The following ROBO1 variants were observed in gnomAD, a reference collection of about 807,000 sequenced individuals.
The protein encoded by ROBO1 is roundabout guidance receptor 1.
A neutral mutation model predicts 195.9 loss-of-function variants in ROBO1; 149 were observed. The observed-to-expected ratio is 0.76, with a 90% CI of 0.67 to 0.87. ROBO1 has a LOEUF of 0.87. Among genes scored for constraint, ROBO1 ranks in the 40% least tolerant of loss-of-function variants. The probability of loss-of-function intolerance (pLI) is 0.00; values close to 1 mark genes in which losing one functional copy is unlikely to be tolerated. For synonymous variants in ROBO1, 816 were observed against 733.2 expected (o/e 1.11, Z -1.82); for missense variants, 1,933 against 2,068.3 (o/e 0.93, Z 1.27).
intron 8 of ROBO1, among the ~76,000 whole-genome samples, chr3:78,693,584 C>T (rs1002869281): frequency 1.3e-5 from 2 of 152,080 alleles, no homozygotes; most frequent in African/African-American, 2.4e-5. Flanking sequence ...AAATTCTCTA[C>T]TATGATTAAA....
intron 2 of ROBO1, among the ~76,000 whole-genome samples, chr3:79,133,940 G>A (rs1197482434): frequency 6.6e-6 from 1 of 152,014 alleles, no homozygotes; most frequent in East Asian, 1.9e-4. Context: ...GGAATACCCT[G>A]CCGTGTGAGG....
chr3:78,717,948 T>C (rs1176573193), intron 5 of ROBO1, 65 bp from the exon 6 acceptor site: 1 of 1,504,232 alleles, frequency 6.6e-7, no homozygotes, highest in East Asian at 2.3e-5. Flanking sequence ...ATGACAGATG[T>C]CTTCATAAGT....
chr3:78,900,172 C>G (rs547533346), intron 4 of ROBO1, among the ~76,000 whole-genome samples: 7 of 152,108 alleles, frequency 4.6e-5, no homozygotes, highest in African/African-American at 1.7e-4. Flanking sequence ...CACATAACTG[C>G]ACTTTTCTAA....
At chr3:78,950,020 G>A (rs980127050) in intron 3 of ROBO1, among the ~76,000 whole-genome samples, 1 of 152,160 alleles carries the variant, frequency 6.6e-6, no homozygotes, top group African/African-American at 2.4e-5. Flanking sequence ...AACAGGTGCT[G>A]GAGAGGATGT....
At chr3:79,310,472 T>A (rs1454729223) in intron 2 of ROBO1, among the ~76,000 whole-genome samples, 2 of 152,218 alleles carry the variant, frequency 1.3e-5, no homozygotes, top group Non-Finnish European at 2.9e-5. Context: ...GGACTACTTC[T>A]TGAAGTGCTG....
chr3:79,489,796 A>G (rs1939359912), intron 2 of ROBO1, among the ~76,000 whole-genome samples: 1 of 151,950 alleles, frequency 6.6e-6, no homozygotes, highest in South Asian at 2.1e-4. Context: ...TTTTTCCCTG[A>G]TATTAGCAAC....
At chr3:79,273,187 T>G (rs903923357) in intron 2 of ROBO1, among the ~76,000 whole-genome samples, 1 of 152,112 alleles carries the variant, frequency 6.6e-6, no homozygotes, top group African/African-American at 2.4e-5. Context: ...TTAGTGGTAG[T>G]AGTTAACTGA....
chr3:79,115,221 A>C (rs766583827), intron 3 of ROBO1, among the ~76,000 whole-genome samples: 22 of 152,164 alleles, frequency 1.4e-4, no homozygotes, highest in Non-Finnish European at 2.9e-4. Context: ...GGCAAAGCTC[A>C]AGTAGTTACT....
At chr3:79,728,267 G>T (rs1197673878) in intron 1 of ROBO1, among the ~76,000 whole-genome samples, 1 of 151,912 alleles carries the variant, frequency 6.6e-6, no homozygotes, top group African/African-American at 2.4e-5. Flanking sequence ...ATCTTGAAAG[G>T]TATCTCACCT....
At chr3:78,844,786 G>A (rs547140988) in intron 4 of ROBO1, among the ~76,000 whole-genome samples, 22 of 152,108 alleles carry the variant, frequency 1.4e-4, no homozygotes, top group African/African-American at 4.6e-4. Flanking sequence ...TAATATGGAC[G>A]TTAGGATGGC....
chr3:78,715,647 T>C (rs1444732039), intron 7 of ROBO1, among the ~76,000 whole-genome samples: 1 of 152,204 alleles, frequency 6.6e-6, no homozygotes, highest in Non-Finnish European at 1.5e-5. Flanking sequence ...TTCTCCTGCC[T>C]CAGCCTCCCG....
intron 3 of ROBO1, chr3:79,018,598 G>A: frequency 6.7e-7 from 1 of 1,482,376 alleles, no homozygotes. Context: ...AGAGTTTTCA[G>A]GGCAATTACT....
intron 2 of ROBO1, among the ~76,000 whole-genome samples, chr3:79,427,893 T>C (rs1166362919): frequency 6.6e-6 from 1 of 152,116 alleles, no homozygotes; most frequent in Non-Finnish European, 1.5e-5. Context: ...AAAGATTTCT[T>C]GAGTAATACC....
At chr3:79,197,112 C>T (rs1463828151) in intron 2 of ROBO1, among the ~76,000 whole-genome samples, 1 of 151,744 alleles carries the variant, frequency 6.6e-6, no homozygotes, top group East Asian at 1.9e-4. Context: ...CATAGGTATA[C>T]ACATGCCATG....
At chr3:78,877,080 T>C (rs2035896901) in intron 4 of ROBO1, among the ~76,000 whole-genome samples, 1 of 152,076 alleles carries the variant, frequency 6.6e-6, no homozygotes, top group African/African-American at 2.4e-5. Flanking sequence ...GGGCCTGACA[T>C]GTAGTAGCCA....
intron 2 of ROBO1, among the ~76,000 whole-genome samples, chr3:79,300,102 G>A (rs2032826001): frequency 6.6e-6 from 1 of 152,222 alleles, no homozygotes; most frequent in Non-Finnish European, 1.5e-5. Context: ...TCCTCTGCCT[G>A]GGCTCCCACT....
chr3:79,653,676 T>C (rs911822170), intron 1 of ROBO1, among the ~76,000 whole-genome samples: 10 of 151,992 alleles, frequency 6.6e-5, no homozygotes, highest in African/African-American at 2.2e-4. Context: ...TTTTGTGTAA[T>C]GTGTCTGTAG....
chr3:79,657,830 C>T (rs1560075851), intron 1 of ROBO1, among the ~76,000 whole-genome samples: 2 of 151,802 alleles, frequency 1.3e-5, no homozygotes, highest in African/African-American at 2.4e-5. Context: ...TGCTTGAAAC[C>T]CGGTTTGAAG....
At chr3:78,762,709 A>C (rs2083136986) in intron 4 of ROBO1, among the ~76,000 whole-genome samples, 1 of 152,084 alleles carries the variant, frequency 6.6e-6, no homozygotes, top group Non-Finnish European at 1.5e-5. Context: ...ATAAGGAAAA[A>C]TCAGTTACAT....
Sources: allele counts gnomAD v4.1 joint callset (sites outside exome capture counted in the v4.1 genomes callset), GRCh38; gene constraint gnomAD v4.1.1; transcripts MANE v1.5; gene names NCBI Gene and HGNC (gene_info 2026-07-23, HGNC 2026-07-21).